DPP10: variants seen among roughly 807,000 people sequenced by gnomAD.
DPP10 encodes inactive dipeptidyl peptidase 10.
DPP10 carries 33 observed loss-of-function variants against 120.9 expected under a neutral mutation model. That is an observed-to-expected ratio of 0.27 (90% confidence interval 0.21 to 0.37). DPP10 has a LOEUF of 0.37. Among genes scored for constraint, DPP10 ranks in the 10% least tolerant of loss-of-function variants. DPP10 has a pLI of 1.00. For synonymous variants in DPP10, 337 were observed against 326.1 expected (o/e 1.03, Z -0.36); for missense variants, 816 against 942.8 (o/e 0.87, Z 1.76).
intron 1 of DPP10, among the ~76,000 whole-genome samples, chr2:114,686,224 A>C (rs1296667011): frequency 6.6e-6 from 1 of 151,940 alleles, no homozygotes; most frequent in African/African-American, 2.4e-5. Flanking sequence ...GTGACTGAAA[A>C]ATTACCTAAC....
At chr2:115,446,526 A>C (rs1473790645) in intron 3 of DPP10, among the ~76,000 whole-genome samples, 1 of 152,156 alleles carries the variant, frequency 6.6e-6, no homozygotes, top group Non-Finnish European at 1.5e-5. Flanking sequence ...GACCGATTTC[A>C]GTCAGGAGCA....
intron 1 of DPP10, among the ~76,000 whole-genome samples, chr2:114,805,881 A>AG (rs111503384): frequency 0.12 from 17,964 of 152,224 alleles, 1,798 homozygotes; most frequent in African/African-American, 0.27. Context: ...ACTTAGGGGC[A>AG]GGGAAGGTCC....
chr2:114,785,707 C>T (rs557680054), intron 1 of DPP10, among the ~76,000 whole-genome samples: 5 of 152,184 alleles, frequency 3.3e-5, no homozygotes, highest in Non-Finnish European at 7.4e-5. Flanking sequence ...TATAATGTAG[C>T]CCCACCCTGG....
chr2:115,104,994 A>C (rs2048877608), intron 1 of DPP10, among the ~76,000 whole-genome samples: 1 of 150,144 alleles, frequency 6.7e-6, no homozygotes, highest in South Asian at 2.1e-4. Context: ...CGACAGAACA[A>C]GACTCCGTCT....
chr2:115,053,827 G>A (rs1705693452), intron 1 of DPP10, among the ~76,000 whole-genome samples: 1 of 152,102 alleles, frequency 6.6e-6, no homozygotes, highest in Admixed American at 6.5e-5. Flanking sequence ...GTAGAGTCTA[G>A]TACAGTACAT....
At chr2:115,561,131 C>T (rs1466855568) in intron 5 of DPP10, among the ~76,000 whole-genome samples, 1 of 151,950 alleles carries the variant, frequency 6.6e-6, no homozygotes, top group Non-Finnish European at 1.5e-5. Context: ...GGTGGATTGT[C>T]TGAGCTCAGG....
At chr2:114,467,943 C>T (rs934346369) in intron 1 of DPP10, among the ~76,000 whole-genome samples, 1 of 152,156 alleles carries the variant, frequency 6.6e-6, no homozygotes, top group African/African-American at 2.4e-5. Context: ...CACATGAGCC[C>T]GGGAAGGTTG....
intron 1 of DPP10, among the ~76,000 whole-genome samples, chr2:114,732,012 G>A (rs566606907): frequency 1.5e-4 from 23 of 152,284 alleles, no homozygotes; most frequent in Non-Finnish European, 2.8e-4. Flanking sequence ...AAGATATCAC[G>A]TCTGGATGGA....
intron 19 of DPP10, among the ~76,000 whole-genome samples, chr2:115,795,266 C>A (rs1037586978): frequency 6.6e-6 from 1 of 152,036 alleles, no homozygotes; most frequent in Non-Finnish European, 1.5e-5. Flanking sequence ...ATTTCAGTAC[C>A]AAGGGCCCGT....
intron 1 of DPP10, among the ~76,000 whole-genome samples, chr2:114,989,045 A>G (rs1208225166): frequency 6.6e-6 from 1 of 152,218 alleles, no homozygotes; most frequent in Non-Finnish European, 1.5e-5. Flanking sequence ...ATCATAAACT[A>G]CATTATGTTG....
intron 1 of DPP10, among the ~76,000 whole-genome samples, chr2:114,780,192 C>A (rs968069641): frequency 6.6e-6 from 1 of 152,076 alleles, no homozygotes; most frequent in Non-Finnish European, 1.5e-5. Context: ...TTTTCCCTGC[C>A]TTACTCACAG....
intron 1 of DPP10, among the ~76,000 whole-genome samples, chr2:115,254,772 T>C (rs1362058734): frequency 6.6e-6 from 1 of 152,194 alleles, no homozygotes; most frequent in African/African-American, 2.4e-5. Context: ...CATTAAACCT[T>C]AAAGTTCCAA....
intron 1 of DPP10, among the ~76,000 whole-genome samples, chr2:114,832,373 A>T (rs2106405369): frequency 6.6e-6 from 1 of 152,228 alleles, no homozygotes; most frequent in South Asian, 2.1e-4. Flanking sequence ...CTCTACTAAA[A>T]ACTACAAAAA....
In DPP10 at chr2:115,622,709, T is replaced by C. The variant is rs1279836029; in HGVS notation, c.442-66978T>C. Reference sequence around the variant, plus strand: ...GATCCCAATTTCTCTTCATACTTTCTAATACTTCTACATCTTTTTTAATAT... The same window carrying C: ...GATCCCAATTTCTCTTCATACTTTCCAATACTTCTACATCTTTTTTAATAT... On this transcript the variant is annotated intron_variant, in intron 5 of 25. Transcript: ENST00000410059. 2.0e-5 allele frequency among the ~76,000 whole-genome samples: 3 copies of C among 152,078 alleles called. No homozygotes were observed. The East Asian group carries it at 5.8e-4, about 29-fold the overall frequency.
chr2:115,458,047 A>G (rs886493103), intron 3 of DPP10, among the ~76,000 whole-genome samples: 7 of 152,316 alleles, frequency 4.6e-5, no homozygotes, highest in Middle Eastern at 3.4e-3. Context: ...TAAAAGAAGC[A>G]TATGTACTGC....
At chr2:115,382,295 T>C (rs1467641290) in intron 3 of DPP10, among the ~76,000 whole-genome samples, 1 of 152,080 alleles carries the variant, frequency 6.6e-6, no homozygotes, top group African/African-American at 2.4e-5. Flanking sequence ...AAAAGTGCAG[T>C]ATTAGGGTGG....
At chr2:115,610,390 A>T (rs2084009791) in intron 5 of DPP10, among the ~76,000 whole-genome samples, 1 of 151,932 alleles carries the variant, frequency 6.6e-6, no homozygotes, top group Admixed American at 6.6e-5. Flanking sequence ...ACTGAGATCA[A>T]CCCTATTCAT....
At chr2:114,726,275 G>C in intron 1 of DPP10, among the ~76,000 whole-genome samples, 1 of 151,650 alleles carries the variant, frequency 6.6e-6, no homozygotes, top group Admixed American at 6.6e-5. Context: ...ATTCAGTTGG[G>C]AAGAGCTAAA....
At chr2:115,244,233 TATATATAGAGAGAGAGAGAGAGAGAG>T (rs1435809727) in intron 1 of DPP10, among the ~76,000 whole-genome samples, 1 of 44,380 alleles carries the variant, frequency 2.3e-5, no homozygotes, top group African/African-American at 9.9e-5. Flanking sequence ...TATATATATA[TATATATAGAGAGAGAGAGAGAGAGAG>T]AGAGAGAGAG....
Sources: gnomAD v4.1 joint callset for allele counts (sites outside exome capture counted in the v4.1 genomes callset) on GRCh38, gnomAD v4.1.1 for gene constraint, MANE v1.5 for transcripts, NCBI Gene and HGNC (gene_info 2026-07-23, HGNC 2026-07-21) for gene names.